The following SLC35F1 variants were observed in gnomAD, a reference collection of about 807,000 sequenced individuals.
The protein encoded by SLC35F1 is chromosome 6 open reading frame 169.
SLC35F1 carries 14 observed loss-of-function variants against 48.7 expected under a neutral mutation model. The observed-to-expected ratio is 0.29, with a 90% CI of 0.19 to 0.45. SLC35F1 has a LOEUF of 0.45. SLC35F1 is among the 20% of genes least tolerant of loss of function. The pLI is 1.00. For synonymous variants in SLC35F1, 190 were observed against 202.2 expected, an observed-to-expected ratio of 0.94 and a Z score of 0.51; for missense variants, 404 against 500.0, an observed-to-expected ratio of 0.81 and a Z score of 1.83.
intron 1 of SLC35F1, among the ~76,000 whole-genome samples, chr6:117,938,057 TA>T (rs762113510): frequency 1.3e-5 from 2 of 152,126 alleles, no homozygotes; most frequent in Admixed American, 6.5e-5. Flanking sequence ...ACATCAAAAC[TA>T]AATACAAGCC....
chr6:118,299,436 C>A (rs1437126099), intron 7 of SLC35F1, among the ~76,000 whole-genome samples: 2 of 152,006 alleles, frequency 1.3e-5, no homozygotes, highest in South Asian at 2.1e-4. Flanking sequence ...TCAGATGAAG[C>A]CTAGAGATCT....
intron 1 of SLC35F1, among the ~76,000 whole-genome samples, chr6:118,052,560 G>A (rs895395979): frequency 6.6e-6 from 1 of 152,160 alleles, no homozygotes; most frequent in Admixed American, 6.6e-5. Flanking sequence ...CGAATTACTA[G>A]TTAGTATTAT....
chr6:118,157,676 G>T (rs62423697), intron 2 of SLC35F1, among the ~76,000 whole-genome samples: 4 of 152,156 alleles, frequency 2.6e-5, no homozygotes, highest in Non-Finnish European at 5.9e-5. Flanking sequence ...TGAGGGCAGG[G>T]AGCATCCAGC....
At chr6:117,994,625 T>C (rs1008022326) in intron 1 of SLC35F1, among the ~76,000 whole-genome samples, 1 of 152,214 alleles carries the variant, frequency 6.6e-6, no homozygotes, top group African/African-American at 2.4e-5. Context: ...TTTCAAAGCC[T>C]TGTGGCTGAT....
chr6:118,189,202 T>C (rs543178253), intron 2 of SLC35F1, among the ~76,000 whole-genome samples: 2 of 152,298 alleles, frequency 1.3e-5, no homozygotes, highest in East Asian at 1.9e-4. Flanking sequence ...TAAGCCACCA[T>C]GCCCAGTCCA....
chr6:118,249,453 A>G (rs1053198675), intron 3 of SLC35F1, among the ~76,000 whole-genome samples: 6 of 152,232 alleles, frequency 3.9e-5, no homozygotes, highest in African/African-American at 9.6e-5. Context: ...ACTGGTTCCA[A>G]TGACAGACGT....
intron 1 of SLC35F1, among the ~76,000 whole-genome samples, chr6:118,113,337 C>T (rs1773435215): frequency 6.6e-6 from 1 of 152,024 alleles, no homozygotes; most frequent in Non-Finnish European, 1.5e-5. Context: ...TCCTCTTGAC[C>T]CAGCCTCCCA....
At chr6:117,925,574 T>C (rs1776017414) in intron 1 of SLC35F1, among the ~76,000 whole-genome samples, 3 of 152,192 alleles carry the variant, frequency 2.0e-5, no homozygotes, top group Admixed American at 2.0e-4. Flanking sequence ...AGTTGGGGTT[T>C]GTTTGACTTG....
intron 1 of SLC35F1, among the ~76,000 whole-genome samples, chr6:117,920,955 A>C (rs1410119101): frequency 6.6e-6 from 1 of 152,040 alleles, no homozygotes; most frequent in South Asian, 2.1e-4. Flanking sequence ...AATGTGTTAT[A>C]TATGTTATTT....
intron 1 of SLC35F1, among the ~76,000 whole-genome samples, chr6:117,944,021 C>T (rs1776264569): frequency 6.6e-6 from 1 of 152,102 alleles, no homozygotes. Context: ...TGAAGTCTAG[C>T]TTTGCAAGTG....
At chr6:118,310,414 A>G (rs1405797831) in intron 7 of SLC35F1, among the ~76,000 whole-genome samples, 3 of 152,228 alleles carry the variant, frequency 2.0e-5, no homozygotes, top group African/African-American at 4.8e-5. Context: ...GTTCTACAAG[A>G]TAAGTGCACC....
At chr6:118,037,456 G>A (rs143215923) in intron 1 of SLC35F1, among the ~76,000 whole-genome samples, 1,750 of 152,070 alleles carry the variant, frequency 0.012, 13 homozygotes, top group Admixed American at 0.017. Flanking sequence ...ATTTAAATAT[G>A]CTTTGGTATT....
At chr6:118,177,168 T>A (rs143874283) in intron 2 of SLC35F1, among the ~76,000 whole-genome samples, 114 of 152,254 alleles carry the variant, frequency 7.5e-4, no homozygotes, top group African/African-American at 2.6e-3. Flanking sequence ...GCATGCTTTT[T>A]AAAGCTTTCT....
At position 118,119,565 on chromosome 6, in the gene SLC35F1, C is replaced by T. The variant is rs571568300; in HGVS notation, c.174-34880C>T. On this transcript the variant is annotated intron_variant, in intron 1 of 7. Transcript: ENST00000360388. ...TGTCGCCCAGGCTGGAGTGTAATGG[C>T]GTATTTCGGCTCACTGCAACCTCTG... 3.3e-3 allele frequency among the ~76,000 whole-genome samples: 432 copies of T among 132,512 alleles called. 1 individual carries two copies. The highest frequency in any genetic ancestry group is 5.3e-3 in the Non-Finnish European group (341 of 64,866). 86.9% of individuals were successfully genotyped at this position (132,512 alleles called of 152,430 possible). A position where few individuals can be genotyped will look rare whatever the true frequency, so the allele number is the denominator to read the frequency against.
At chr6:118,153,002 G>A (rs187229265) in intron 1 of SLC35F1, among the ~76,000 whole-genome samples, 83 of 152,314 alleles carry the variant, frequency 5.4e-4, no homozygotes, top group African/African-American at 2.0e-3. Flanking sequence ...GTTAACCTCA[G>A]AAAATTCTTC....
intron 1 of SLC35F1, among the ~76,000 whole-genome samples, chr6:118,095,024 C>G (rs146869004): frequency 0.011 from 1,685 of 151,058 alleles, 26 homozygotes; most frequent in African/African-American, 0.039. Flanking sequence ...TCGAGCTACT[C>G]GAGAGGCTGA....
chr6:118,004,785 G>C (rs1299911780), intron 1 of SLC35F1, among the ~76,000 whole-genome samples: 2 of 151,912 alleles, frequency 1.3e-5, no homozygotes, highest in Non-Finnish European at 2.9e-5. Context: ...CTGGCCTCAA[G>C]TGATCCTCCC....
intron 1 of SLC35F1, among the ~76,000 whole-genome samples, chr6:117,933,068 T>G (rs1282296503): frequency 1.3e-5 from 2 of 152,228 alleles, no homozygotes; most frequent in Non-Finnish European, 2.9e-5. Context: ...CACAAAGACT[T>G]CTGATGCTCA....
intron 1 of SLC35F1, among the ~76,000 whole-genome samples, chr6:117,994,136 C>G (rs1479273418): frequency 6.6e-6 from 1 of 152,092 alleles, no homozygotes; most frequent in African/African-American, 2.4e-5. Flanking sequence ...GTCCCTGTTT[C>G]CTTGCTGCCT....
Sources: gnomAD v4.1 joint callset for allele counts (sites outside exome capture counted in the v4.1 genomes callset) on GRCh38, gnomAD v4.1.1 for gene constraint, MANE v1.5 for transcripts, NCBI Gene and HGNC (gene_info 2026-07-23, HGNC 2026-07-21) for gene names.